Variants in DOCK2 observed in about 807,000 individuals in gnomAD.
The protein encoded by DOCK2 is dedicator of cytokinesis protein 2.
DOCK2 carries 87 observed loss-of-function variants against 248.9 expected under a neutral mutation model. The observed-to-expected ratio is 0.35, with a 90% CI of 0.29 to 0.42. DOCK2 has a LOEUF of 0.42. DOCK2 is among the 10% of genes least tolerant of loss of function. The pLI is 1.00. For synonymous variants in DOCK2, 805 were observed against 821.6 expected, an observed-to-expected ratio of 0.98 and a Z score of 0.35; for missense variants, 1,747 against 2,300.2, an observed-to-expected ratio of 0.76 and a Z score of 4.92.
intron 27 of DOCK2, among the ~76,000 whole-genome samples, chr5:169,904,308 C>T (rs918324685): frequency 7.3e-6 from 1 of 137,480 alleles, no homozygotes; most frequent in Non-Finnish European, 1.6e-5. Context: ...GCTAGTTGTC[C>T]CTTCCTTTTT....
At chr5:169,908,967 C>T (rs1451692582) in intron 27 of DOCK2, among the ~76,000 whole-genome samples, 1 of 152,178 alleles carries the variant, frequency 6.6e-6, no homozygotes, top group African/African-American at 2.4e-5. Context: ...TCCAAGGTCA[C>T]AGAACTTGCC....
intron 27 of DOCK2, among the ~76,000 whole-genome samples, chr5:169,918,641 A>G (rs1775008356): frequency 6.6e-6 from 1 of 152,212 alleles, no homozygotes; most frequent in Non-Finnish European, 1.5e-5. Flanking sequence ...GACCAGGTGC[A>G]GTGGCTCATG....
At chr5:169,723,746 C>T (rs1275304785) in intron 22 of DOCK2, among the ~76,000 whole-genome samples, 1 of 152,120 alleles carries the variant, frequency 6.6e-6, no homozygotes, top group Non-Finnish European at 1.5e-5. Context: ...AACCCCTGTC[C>T]CGAGCACTGC....
Position 170,031,473 on chromosome 5 carries a change from C to A in DOCK2, c.3468-2926C>A, listed in dbSNP as rs1485520909. 1.3e-5 allele frequency among the ~76,000 whole-genome samples: 2 copies of A among 152,146 alleles called. 1 individual carries two copies. The highest frequency in any genetic ancestry group is 4.1e-4 in the South Asian group (2 of 4,822). On this transcript the variant is annotated intron_variant, in intron 34 of 51. Transcript: ENST00000520908. ...GTGTCCACCACCCTTCATTCCACTG[C>A]GTGAGGAATTACCTATATTTTCTTA...
intron 30 of DOCK2, among the ~76,000 whole-genome samples, chr5:169,996,927 CGAG>C (rs1754658925): frequency 6.6e-6 from 1 of 151,768 alleles, no homozygotes; most frequent in Admixed American, 6.6e-5. Context: ...TAAGGTGGGA[CGAG>C]AGATTTGGAA....
At chr5:169,878,508 G>A (rs2113488979) in intron 27 of DOCK2, among the ~76,000 whole-genome samples, 1 of 152,276 alleles carries the variant, frequency 6.6e-6, no homozygotes, top group South Asian at 2.1e-4. Flanking sequence ...GATAACTATT[G>A]CTTGCTCAGG....
intron 2 of DOCK2, among the ~76,000 whole-genome samples, chr5:169,659,307 T>G (rs1447695716): frequency 6.6e-6 from 1 of 152,144 alleles, no homozygotes; most frequent in East Asian, 1.9e-4. Flanking sequence ...AGTGGGTTGT[T>G]TTCACCTTGC....
chr5:169,728,781 TC>T (rs1416553444), intron 22 of DOCK2, among the ~76,000 whole-genome samples: 2 of 151,662 alleles, frequency 1.3e-5, no homozygotes, highest in Admixed American at 6.6e-5. Context: ...TAGACTGACT[TC>T]CCCCATCCAT....
intron 23 of DOCK2, among the ~76,000 whole-genome samples, 181 bp from the exon 24 acceptor site, chr5:169,759,524 T>A (rs190691359): frequency 3.4e-4 from 52 of 152,352 alleles, no homozygotes; most frequent in Non-Finnish European, 5.9e-4. Flanking sequence ...GACTTCACTT[T>A]TGTATACAAA....
chr5:169,910,697 A>C (rs1327692172), intron 27 of DOCK2, among the ~76,000 whole-genome samples: 1 of 152,124 alleles, frequency 6.6e-6, no homozygotes, highest in Non-Finnish European at 1.5e-5. Flanking sequence ...TAGCTACAAG[A>C]CTCAGGGAAA....
chr5:169,800,948 T>C (rs10060007), intron 25 of DOCK2, among the ~76,000 whole-genome samples: 120 of 50,270 alleles, frequency 2.4e-3, no homozygotes, highest in African/African-American at 9.4e-3. Context: ...TTCTTTCTTT[T>C]TTTTTTTTTT....
chr5:169,641,147 CATATT>C (rs1416222158), intron 1 of DOCK2, among the ~76,000 whole-genome samples: 1 of 152,202 alleles, frequency 6.6e-6, no homozygotes, highest in Non-Finnish European at 1.5e-5. Flanking sequence ...GACATCCAGT[CATATT>C]AGATTAGGGC....
intron 22 of DOCK2, among the ~76,000 whole-genome samples, chr5:169,732,362 G>A (rs752408248): frequency 4.6e-5 from 7 of 151,846 alleles, no homozygotes; most frequent in Non-Finnish European, 8.8e-5. Flanking sequence ...CCTTTCACTC[G>A]CTTCCCACTC....
At chr5:170,007,443 G>A (rs949279058) in intron 30 of DOCK2, among the ~76,000 whole-genome samples, 3 of 152,194 alleles carry the variant, frequency 2.0e-5, no homozygotes, top group Admixed American at 2.0e-4. Context: ...AATAAGGCTA[G>A]CAAGGATTTT....
Position 170,039,775 on chromosome 5 carries a change from C to T in DOCK2, c.3666-1280C>T, listed in dbSNP as rs111848506. ...GAGACACGCATTGAGTGGAGATACC[C>T]GAGAAACCCTGTGTTCCCTGGTGTG... On this transcript the variant is annotated intron_variant, in intron 36 of 51. Transcript: ENST00000520908. Among the ~76,000 whole-genome samples, 1,332 of 152,282 alleles carry T rather than the reference C, an allele frequency of 8.7e-3. 5 individuals carry two copies. Among genetic ancestry groups the T allele is most frequent in the Middle Eastern group, 0.065 (19 of 294 alleles).
chr5:169,819,862 C>G (rs891713980), intron 26 of DOCK2, among the ~76,000 whole-genome samples: 132 of 152,314 alleles, frequency 8.7e-4, no homozygotes, highest in Non-Finnish European at 1.6e-4. Flanking sequence ...AGGGAATTCC[C>G]TTTCCTAGCC....
rs369920343 is a variant in DOCK2 at position 169,714,225 on chromosome 5, C to T, written c.1843+14C>T. 1.2e-6 allele frequency: 2 copies of T among 1,601,876 alleles called. No individual in the cohort carries two copies. The highest frequency in any genetic ancestry group is 4.5e-5 in the East Asian group (2 of 44,610). On this transcript the variant is annotated intron_variant, in intron 18 of 51. Coordinates refer to ENST00000520908, the MANE Select transcript of DOCK2 (RefSeq NM_004946.3). ...TCACTCAGAATGGTAATCGGGTCAT[C>T]AAGAGTTGTGTCTGTGGGGAGTGTG... is the stretch of plus-strand genomic sequence containing the variant.
chr5:169,641,559 G>A (rs1163592779), intron 1 of DOCK2, among the ~76,000 whole-genome samples: 3 of 152,212 alleles, frequency 2.0e-5, no homozygotes, highest in Non-Finnish European at 4.4e-5. Flanking sequence ...CTGTGGGAGA[G>A]CAGGGAGAAG....
intron 22 of DOCK2, among the ~76,000 whole-genome samples, chr5:169,731,929 G>T (rs1042172417): frequency 2.0e-5 from 3 of 152,038 alleles, no homozygotes; most frequent in African/African-American, 7.3e-5. Context: ...AGACTAGCCT[G>T]GGCAACATGG....
Sources: allele counts gnomAD v4.1 joint callset (sites outside exome capture counted in the v4.1 genomes callset), GRCh38; gene constraint gnomAD v4.1.1; transcripts MANE v1.5; gene names NCBI Gene and HGNC (gene_info 2026-07-23, HGNC 2026-07-21).